Variants in FMO1 observed in about 807,000 individuals in gnomAD.
FMO1 encodes flavin containing dimethylaniline monoxygenase 1, also known as flavin-containing monooxygenase 1.
In FMO1, 36 loss-of-function variants were observed where a neutral mutation model predicts 45.4. The observed-to-expected ratio is 0.79, with a 90% CI of 0.61 to 1.05. The LOEUF (loss-of-function observed/expected upper bound fraction) is 1.05, where lower values mean the gene tolerates loss of function less well. FMO1 is among the 50% of genes least tolerant of loss of function. The pLI, the probability that FMO1 is intolerant of heterozygous loss-of-function variation, is 0.00. For synonymous variants in FMO1, 228 were observed against 227.2 expected (o/e 1.00, Z -0.03); for missense variants, 615 against 640.3 (o/e 0.96, Z 0.43).
chr1:171,271,394 C>G (rs1660858311), intron 3 of FMO1: 3 of 1,114,540 alleles, frequency 2.7e-6, no homozygotes, highest in Non-Finnish European at 4.1e-6. Context: ...GCCTTGTCAC[C>G]TTTGCCATAT....
intron 4 of FMO1, among the ~76,000 whole-genome samples, chr1:171,278,123 C>T (rs946090239): frequency 1.3e-4 from 20 of 152,178 alleles, no homozygotes; most frequent in Admixed American, 1.2e-3. Flanking sequence ...GTGTAACTGA[C>T]ATCACTCCTT....
At chr1:171,250,301 C>T (rs1272364970) in intron 1 of FMO1, among the ~76,000 whole-genome samples, 1 of 152,156 alleles carries the variant, frequency 6.6e-6, no homozygotes, top group African/African-American at 2.4e-5. Context: ...TTGTCAAACA[C>T]CCAGCTTTGC....
At chr1:171,268,799 C>T (rs542739756) in intron 3 of FMO1, among the ~76,000 whole-genome samples, 21 of 152,292 alleles carry the variant, frequency 1.4e-4, no homozygotes, top group Admixed American at 7.8e-4. Context: ...TTCACATTCA[C>T]GACCTTAAAA....
At chr1:171,265,445 G>A (rs1354971504) in intron 2 of FMO1, among the ~76,000 whole-genome samples, 8 of 150,792 alleles carry the variant, frequency 5.3e-5, no homozygotes, top group Non-Finnish European at 7.4e-5. Flanking sequence ...TTAGAAAAAT[G>A]AAAATGACAC....
In FMO1 at chr1:171,280,940, A is replaced by C. The variant is rs1338217683; in HGVS notation, c.782A>C (p.Asn261Thr). The change falls in exon 6 of 9, where the codon AAC becomes ACC. Residue 261 changes from asparagine to threonine, a missense_variant. By Grantham distance (65) the Asn-to-Thr change is moderately conservative. Coordinates refer to ENST00000617670, the MANE Select transcript of FMO1 (RefSeq NM_001282693.2). ...ACTTGGTTGATGGAGCGAAAGATAA[A>C]CAACTGGCTCAATCATGCAAATTAC... is the stretch of plus-strand genomic sequence containing the variant. ...IVTWLMERKI[N>T]NWLNHANYGL... 12 of 1,613,914 alleles carry C rather than the reference A, an allele frequency of 7.4e-6. No individual in the cohort carries two copies. Among genetic ancestry groups the C allele is most frequent in the Non-Finnish European group, 1.0e-5 (12 of 1,179,856 alleles).
intron 1 of FMO1, among the ~76,000 whole-genome samples, chr1:171,253,693 G>A (rs758590889): frequency 2.6e-5 from 4 of 151,964 alleles, no homozygotes; most frequent in South Asian, 2.1e-4. Flanking sequence ...CCCAGGAGGC[G>A]GAGGTTGCAG....
intron 2 of FMO1, 119 bp downstream of exon 2, chr1:171,258,338 T>C: frequency 8.2e-7 from 1 of 1,215,024 alleles, no homozygotes; most frequent in East Asian, 2.4e-5. Flanking sequence ...AAATGTCTGC[T>C]GAACAGGGGA....
At chr1:171,272,725 AT>A (rs1660917983) in intron 3 of FMO1, among the ~76,000 whole-genome samples, 1 of 152,122 alleles carries the variant, frequency 6.6e-6, no homozygotes, top group Non-Finnish European at 1.5e-5. Flanking sequence ...GTTTTGACCA[AT>A]TTCTCCCATT....
chr1:171,262,921 G>C (rs1207823965), intron 2 of FMO1, among the ~76,000 whole-genome samples: 1 of 152,090 alleles, frequency 6.6e-6, no homozygotes, highest in Non-Finnish European at 1.5e-5. Context: ...AAAGTAAAAT[G>C]GGTGCCAGCT....
intron 8 of FMO1, among the ~76,000 whole-genome samples, chr1:171,284,536 G>A (rs766989456): frequency 1.1e-4 from 17 of 151,928 alleles, no homozygotes; most frequent in Admixed American, 2.6e-4. Flanking sequence ...TCAGGACTTT[G>A]AGACCAGCCT....
chr1:171,256,567 T>C (rs1253616055), intron 1 of FMO1, among the ~76,000 whole-genome samples: 1 of 152,102 alleles, frequency 6.6e-6, no homozygotes, highest in Non-Finnish European at 1.5e-5. Context: ...CTACTGGTTC[T>C]TCCCCAGTAA....
chr1:171,285,360 A>C lies in FMO1; in HGVS notation c.1415A>C (p.Gln472Pro), dbSNP rs942402879. The change falls in exon 9 of 9, where the codon CAG becomes CCG. Residue 472 changes from glutamine to proline, a missense_variant. Transcript: ENST00000617670. ...TVFFGPCSPYQFRLTGPGKWE... is the reference protein window; with the variant it reads ...TVFFGPCSPYPFRLTGPGKWE... The stretch of plus-strand genomic sequence containing the variant: ...TTCTTTGGCCCATGCTCACCATACC[A>C]GTTCCGCTTGACTGGCCCAGGAAAA... 5 of 1,613,878 alleles carry C rather than the reference A, an allele frequency of 3.1e-6. No individual in the cohort carries two copies. In the African/African-American group the frequency reaches 6.7e-5, roughly 22 times the overall value.
chr1:171,264,190 C>T (rs541611366), intron 2 of FMO1, among the ~76,000 whole-genome samples: 8 of 151,748 alleles, frequency 5.3e-5, no homozygotes, highest in Non-Finnish European at 1.0e-4. Context: ...GTTATTTTTC[C>T]CTCTATTTTT....
At chr1:171,273,119 T>C (rs537255063) in intron 3 of FMO1, among the ~76,000 whole-genome samples, 4 of 152,210 alleles carry the variant, frequency 2.6e-5, no homozygotes, top group Non-Finnish European at 5.9e-5. Context: ...TCACAAGATC[T>C]GATGGTTTTA....
At chr1:171,274,542 T>A (rs1172755771) in intron 3 of FMO1, among the ~76,000 whole-genome samples, 2 of 152,098 alleles carry the variant, frequency 1.3e-5, no homozygotes. Flanking sequence ...TAACTGAAAA[T>A]TTACTTTTAG....
At chr1:171,278,685 G>T in intron 4 of FMO1, 44 bp from the exon 5 acceptor site, 1 of 1,397,222 alleles carries the variant, frequency 7.2e-7, no homozygotes, top group South Asian at 1.4e-5. Flanking sequence ...TTCATTCACT[G>T]ATCCTGTTAA....
chr1:171,250,201 C>T (rs990870304), intron 1 of FMO1, among the ~76,000 whole-genome samples: 3 of 152,222 alleles, frequency 2.0e-5, no homozygotes, highest in African/African-American at 7.2e-5. Flanking sequence ...CACTGCACAA[C>T]TTCTCAAACC....
chr1:171,279,492 A>C (rs539603111), intron 5 of FMO1, among the ~76,000 whole-genome samples: 1 of 152,158 alleles, frequency 6.6e-6, no homozygotes, highest in Admixed American at 6.5e-5. Flanking sequence ...TACCACTAGC[A>C]TGTGGCAGAG....
chr1:171,282,266 C>G lies in FMO1; in HGVS notation c.1116C>G (p.Ile372Met). 6.2e-7 allele frequency: 1 copy of G among 1,613,948 alleles called. No individual in the cohort carries two copies. Among genetic ancestry groups the G allele is most frequent in the Non-Finnish European group, 8.5e-7 (1 of 1,179,902 alleles). The stretch of plus-strand genomic sequence containing the variant: ...CAACCCTGGCCATTATTGGCCTCAT[C>G]AAACCCTTGGGCTCCATGATACCTA... ...QKPTLAIIGL[I>M]KPLGSMIPTG... Residue 372 changes from isoleucine to methionine, a missense_variant, in exon 7 of 9, where the codon ATC becomes ATG. Ile to Met is a conservative substitution (Grantham distance 10, BLOSUM62 1). Coordinates refer to ENST00000617670, the MANE Select transcript of FMO1 (RefSeq NM_001282693.2).
Sources: allele counts gnomAD v4.1 joint callset (sites outside exome capture counted in the v4.1 genomes callset), GRCh38; gene constraint gnomAD v4.1.1; transcripts MANE v1.5; gene names NCBI Gene and HGNC (gene_info 2026-07-23, HGNC 2026-07-21).